Variants in CGNL1 observed in about 807,000 individuals in gnomAD.
The protein encoded by CGNL1 is cingulin like 1.
Under a neutral mutation model 141.2 loss-of-function variants are expected in CGNL1, and 132 were observed. The ratio of observed to expected loss-of-function variants is 0.93; its 90% CI spans 0.81 to 1.08. The LOEUF is 1.08. Among genes scored for constraint, CGNL1 ranks in the 50% least tolerant of loss-of-function variants. CGNL1 has a pLI of 0.00. For missense variants in CGNL1, 1,870 were observed against 1,588.6 expected, an observed-to-expected ratio of 1.18 and a Z score of -3.01; for synonymous variants, 690 against 622.1, an observed-to-expected ratio of 1.11 and a Z score of -1.63.
chr15:57,443,554 C>A (rs1387292370), intron 4 of CGNL1, among the ~76,000 whole-genome samples: 1 of 152,218 alleles, frequency 6.6e-6, no homozygotes, highest in Non-Finnish European at 1.5e-5. Context: ...AACCTACCAT[C>A]TTTACTACTT....
chr15:57,522,330 T>C (rs4774951), intron 10 of CGNL1, among the ~76,000 whole-genome samples: 33,877 of 152,260 alleles, frequency 0.22, 4,867 homozygotes, highest in Non-Finnish European at 0.33. Flanking sequence ...AGAGCAGATC[T>C]GTTCCTATGC....
chr15:57,536,533 A>G (rs1258494743), intron 14 of CGNL1, among the ~76,000 whole-genome samples: 1 of 152,210 alleles, frequency 6.6e-6, no homozygotes, highest in Non-Finnish European at 1.5e-5. Flanking sequence ...AGAAGTAAGG[A>G]GTATCTGTTT....
chr15:57,379,305 C>A (rs1272270277), intron 1 of CGNL1, among the ~76,000 whole-genome samples: 1 of 152,148 alleles, frequency 6.6e-6, no homozygotes, highest in Admixed American at 6.5e-5. Context: ...CAATTTCTCA[C>A]TTTGGAGTAG....
At chr15:57,470,918 C>G (rs2063573741) in intron 8 of CGNL1, among the ~76,000 whole-genome samples, 1 of 152,070 alleles carries the variant, frequency 6.6e-6, no homozygotes, top group South Asian at 2.1e-4. Flanking sequence ...TTTTATGTAC[C>G]AAATACTTAA....
At chr15:57,470,240 C>CT (rs59724078) in intron 8 of CGNL1, among the ~76,000 whole-genome samples, 45,870 of 122,654 alleles carry the variant, frequency 0.37, 8,358 homozygotes, top group East Asian at 0.5. Context: ...AAAAAGATCT[C>CT]TTTTTTTTTG....
intron 8 of CGNL1, among the ~76,000 whole-genome samples, chr15:57,489,263 A>G (rs1442832642): frequency 2.0e-5 from 3 of 152,258 alleles, no homozygotes; most frequent in Admixed American, 2.0e-4. Flanking sequence ...TAACAGGGAA[A>G]TAACATGTAG....
At chr15:57,461,307 G>C (rs147725943) in intron 7 of CGNL1, among the ~76,000 whole-genome samples, 7 of 152,266 alleles carry the variant, frequency 4.6e-5, no homozygotes, top group African/African-American at 1.7e-4. Flanking sequence ...GCAAGCTGGC[G>C]TGCCCCCGTG....
rs372249644 is a variant in CGNL1 at position 57,547,299 on chromosome 15, A to G, written c.3774-56A>G. 6.0e-5 allele frequency: 95 copies of G among 1,595,368 alleles called. No individual in the cohort carries two copies. The African/African-American group carries it at 6.4e-4, about 11-fold the overall frequency. ...CCCAAAACCCTCCCTTTAAGTCCAA[A>G]TTAGCTATGGGCCCCGGCCCAGGGC... On this transcript the variant is annotated intron_variant, in intron 18 of 18. Coordinates refer to ENST00000281282, the MANE Select transcript of CGNL1 (RefSeq NM_032866.5).
At chr15:57,540,185 T>C (rs1014974051) in intron 14 of CGNL1, among the ~76,000 whole-genome samples, 1 of 152,174 alleles carries the variant, frequency 6.6e-6, no homozygotes. Flanking sequence ...CTTCCGGTTT[T>C]GAAAGCTGCA....
intron 1 of CGNL1, among the ~76,000 whole-genome samples, chr15:57,413,935 A>G (rs374328978): frequency 1.3e-5 from 2 of 152,224 alleles, no homozygotes; most frequent in South Asian, 2.1e-4. Context: ...TTGCAGTCAT[A>G]TAAGTTGTGT....
At chr15:57,417,050 C>T (rs542770247) in intron 1 of CGNL1, among the ~76,000 whole-genome samples, 1 of 152,322 alleles carries the variant, frequency 6.6e-6, no homozygotes, top group African/African-American at 2.4e-5. Flanking sequence ...TCAGTTGCTT[C>T]ACCTGCAAAA....
At position 57,518,404 on chromosome 15, in the gene CGNL1, A is replaced by G. The variant is rs2030996832; in HGVS notation, c.2622A>G (p.Arg874=). 2.5e-6 allele frequency: 4 copies of G among 1,612,976 alleles called. No homozygotes were observed. The East Asian group carries it at 8.9e-5, about 36-fold the overall frequency. The change falls in exon 10 of 19, where the codon CGA becomes CGG. Residue 874 remains arginine, a synonymous_variant. Transcript: ENST00000281282. ...ETLKKYEGEI[R]QLEEALVHAR... ...GTGTTTCATTGTAGGGAGAAATACG[A>G]CAGTTAGAGGAGGCCCTTGTGCACG...
rs149498058 is a variant in CGNL1, at chr15:57,463,714, G to T, written c.2403+1822G>T. The stretch of plus-strand genomic sequence containing the variant: ...TTGCCCCAGATTTAAGCTGAAAATT[G>T]TTAGCATGGTAGGGAAGAAGTCCCT... On this transcript the variant is annotated intron_variant, in intron 8 of 18. Coordinates refer to ENST00000281282, the MANE Select transcript of CGNL1 (RefSeq NM_032866.5). Among the ~76,000 whole-genome samples the T allele has an allele frequency of 5.0e-4, 76 of 152,340 alleles. 1 individual carries two copies. Among genetic ancestry groups the T allele is most frequent in the African/African-American group, 1.8e-3 (76 of 41,582 alleles).
chr15:57,440,103 A>T (rs1463234796), intron 2 of CGNL1, among the ~76,000 whole-genome samples: 3 of 123,632 alleles, frequency 2.4e-5, no homozygotes, highest in African/African-American at 8.2e-5. Context: ...GATATTGATA[A>T]AATGGTAAAA....
chr15:57,514,548 T>G (rs1217271092), intron 8 of CGNL1, among the ~76,000 whole-genome samples: 1 of 152,228 alleles, frequency 6.6e-6, no homozygotes, highest in Non-Finnish European at 1.5e-5. Context: ...CCTTTCATTC[T>G]GGTCGTTGTC....
intron 18 of CGNL1, among the ~76,000 whole-genome samples, chr15:57,546,812 C>T (rs2032895166): frequency 6.6e-6 from 1 of 152,068 alleles, no homozygotes; most frequent in African/African-American, 2.4e-5. Context: ...ATCCATAGAG[C>T]TGAGCCTTTC....
At chr15:57,524,505 T>G in intron 11 of CGNL1, 76 bp from the exon 12 acceptor site, 2 of 1,300,256 alleles carry the variant, frequency 1.5e-6, no homozygotes, top group Non-Finnish European at 2.1e-6. Context: ...GGAGATGTGC[T>G]GTGTGTTGAA....
At chr15:57,397,420 A>G (rs1426693014) in intron 1 of CGNL1, among the ~76,000 whole-genome samples, 1 of 152,186 alleles carries the variant, frequency 6.6e-6, no homozygotes, top group African/African-American at 2.4e-5. Flanking sequence ...CTGAACTAGG[A>G]AGCTCCTGAT....
At position 57,442,463 on chromosome 15, in the gene CGNL1, C is replaced by T. The variant is rs958698538; in HGVS notation, c.1788C>T (p.Ala596=). ...QTLKSRAAGS[A]QGNNQACNST... ...TAAAGTCTCGAGCAGCTGGGAGCGC[C>T]CAAGGAAATAACCAAGTAAATGGAA... Residue 596 remains alanine (A), a synonymous_variant, in exon 4 of 19, where the codon GCC becomes GCT. Transcript: ENST00000281282. 2 of 1,609,356 alleles carry T rather than the reference C, an allele frequency of 1.2e-6. No individual in the cohort carries two copies. The highest frequency in any genetic ancestry group is 1.7e-6 in the Non-Finnish European group (2 of 1,175,996).
Sources: gnomAD v4.1 joint callset for allele counts (sites outside exome capture counted in the v4.1 genomes callset) on GRCh38, gnomAD v4.1.1 for gene constraint, MANE v1.5 for transcripts, NCBI Gene and HGNC (gene_info 2026-07-23, HGNC 2026-07-21) for gene names.